Variants in DLGAP2 observed in about 807,000 individuals in gnomAD.
The protein encoded by DLGAP2 is DLG associated protein 2, also known as disks large-associated protein 2.
A neutral mutation model predicts 100.3 loss-of-function variants in DLGAP2; 26 were observed. That is an observed-to-expected ratio of 0.26 (90% CI 0.19 to 0.36). The LOEUF (loss-of-function observed/expected upper bound fraction) is 0.36. Among genes scored for constraint, DLGAP2 ranks in the 10% least tolerant of loss-of-function variants. The pLI is 1.00. For missense variants in DLGAP2, 1,858 were observed against 1,453.2 expected, an observed-to-expected ratio of 1.28 and a Z score of -4.53; for synonymous variants, 886 against 630.1, an observed-to-expected ratio of 1.41 and a Z score of -6.08.
chr8:756,645 C>A (rs762189942), intron 1 of DLGAP2, among the ~76,000 whole-genome samples: 1 of 152,048 alleles, frequency 6.6e-6, no homozygotes, highest in Non-Finnish European at 1.5e-5. Flanking sequence ...GCTGAAAGAT[C>A]GTCTGGTCAG....
intron 3 of DLGAP2, among the ~76,000 whole-genome samples, chr8:1,377,326 C>G (rs181030539): frequency 5.3e-5 from 8 of 152,138 alleles, no homozygotes; most frequent in Non-Finnish European, 8.8e-5. Context: ...GGGCGAATCA[C>G]GAAGTCAGGA....
chr8:1,257,758 C>T (rs747258722), intron 2 of DLGAP2, among the ~76,000 whole-genome samples: 5 of 151,574 alleles, frequency 3.3e-5, no homozygotes, highest in Non-Finnish European at 5.9e-5. Flanking sequence ...GTGGAAGAGC[C>T]GGTGTCCTCC....
chr8:1,631,270 T>A (rs533876551), intron 7 of DLGAP2, among the ~76,000 whole-genome samples: 82 of 152,028 alleles, frequency 5.4e-4, no homozygotes, highest in Non-Finnish European at 9.6e-4. Context: ...GTTAATGGTG[T>A]CTCTTCTTTA....
intron 2 of DLGAP2, among the ~76,000 whole-genome samples, chr8:1,221,478 G>A (rs534199265): frequency 1.3e-5 from 2 of 152,172 alleles, no homozygotes; most frequent in African/African-American, 4.8e-5. Flanking sequence ...CTGTTAGCCT[G>A]ATGGGGTTCC....
At chr8:1,334,987 G>A (rs557824882) in intron 3 of DLGAP2, among the ~76,000 whole-genome samples, 27 of 152,276 alleles carry the variant, frequency 1.8e-4, no homozygotes, top group Non-Finnish European at 3.8e-4. Flanking sequence ...CTTCCAGCAG[G>A]CCTTAAAAAC....
chr8:1,493,820 G>T (rs534857878), intron 3 of DLGAP2, among the ~76,000 whole-genome samples: 1 of 152,196 alleles, frequency 6.6e-6, no homozygotes, highest in Non-Finnish European at 1.5e-5. Flanking sequence ...GGGTGGACGC[G>T]GCACGACCCT....
chr8:1,669,764 C>G lies in DLGAP2; in HGVS notation c.2182C>G (p.Gln728Glu). 1.3e-6 allele frequency: 1 copy of G among 780,944 alleles called. No homozygotes were observed. The highest frequency in any genetic ancestry group is 1.3e-5 in the South Asian group (1 of 74,628). 48.4% of individuals were successfully genotyped at this position (780,944 alleles called of 1,614,324 possible). A position where few individuals can be genotyped will look rare whatever the true frequency, so the allele number is the denominator to read the frequency against. ...GIQDSEFPEH[Q>E]PYPRSDVETA... ...TTAGGATTCTGAATTCCCAGAGCAT[C>G]AGCCATACCCAAGGTCAGATGTAAG... The change falls in exon 10 of 15, where the codon CAG (glutamine) becomes GAG (glutamate). Residue 728 changes from glutamine (Q) to glutamate (E), a missense_variant. Transcript: ENST00000637795.
intron 2 of DLGAP2, among the ~76,000 whole-genome samples, chr8:1,007,641 G>GGC (rs1554464777): frequency 1.5e-4 from 22 of 148,292 alleles, no homozygotes; most frequent in Admixed American, 4.7e-4. Context: ...TTTTTGGGGG[G>GGC]GGGATCTTCT....
intron 2 of DLGAP2, among the ~76,000 whole-genome samples, chr8:1,146,114 C>A (rs1241761760): frequency 6.6e-6 from 1 of 152,206 alleles, no homozygotes; most frequent in Non-Finnish European, 1.5e-5. Flanking sequence ...CACTGCCAGG[C>A]CAGGAGGGCG....
At chr8:739,627 T>A (rs948387697) in intron 1 of DLGAP2, 21 of 152,336 alleles carry the variant, frequency 1.4e-4, no homozygotes, top group African/African-American at 4.8e-4. Flanking sequence ...CAGGTCAAGT[T>A]GTTACTCTGG....
In DLGAP2 at chr8:1,067,905, G is replaced by T. The variant is rs563371324; in HGVS notation, c.73+159939G>T. ...GATGACGACACACCCCCCCATTACA[G>T]CAGCCCACAGAGGAGTTTCTCTGTC... On this transcript the variant is annotated intron_variant, in intron 2 of 14. Transcript: ENST00000637795. Among the ~76,000 whole-genome samples, 120 of 152,072 alleles carry T rather than the reference G, an allele frequency of 7.9e-4. 1 individual carries two copies. The highest frequency in any genetic ancestry group is 2.8e-3 in the African/African-American group (118 of 41,452).
At chr8:1,428,646 T>C (rs1797306360) in intron 3 of DLGAP2, among the ~76,000 whole-genome samples, 1 of 152,238 alleles carries the variant, frequency 6.6e-6, no homozygotes, top group Non-Finnish European at 1.5e-5. Context: ...CTAATAAATA[T>C]GCATGTGCCC....
At position 1,116,433 on chromosome 8, in the gene DLGAP2, G is replaced by A. The variant is rs1027643380; in HGVS notation, c.74-142418G>A. Among the ~76,000 whole-genome samples the A allele has an allele frequency of 2.6e-5, 4 of 152,176 alleles. No individual in the cohort carries two copies. The East Asian group carries it at 7.7e-4, about 29-fold the overall frequency. On this transcript the variant is annotated intron_variant, in intron 2 of 14. Transcript: ENST00000637795. ...TAGATAACCTTACAAGAGGCATTGA[G>A]GGTTTTCTTATTTCTTCAGTTTCTT...
chr8:1,173,009 G>C (rs1392614639), intron 2 of DLGAP2, among the ~76,000 whole-genome samples: 1 of 152,082 alleles, frequency 6.6e-6, no homozygotes, highest in African/African-American at 2.4e-5. Flanking sequence ...CATCTTTGTG[G>C]TTTTATCTAC....
At position 1,549,659 on chromosome 8, in the gene DLGAP2, C is replaced by T; in HGVS notation, c.1206C>T (p.Ala402=). ...TGCTGCACCAGGACGCCAAGCCCGCCCTGAGGCCGTGCCACTACCTCCAGG... is the reference window on the plus strand; with the variant it reads ...TGCTGCACCAGGACGCCAAGCCCGCTCTGAGGCCGTGCCACTACCTCCAGG... ...KPLLHQDAKP[A]LRPCHYLQVP... is the part of the protein sequence containing the mutation. The change falls in exon 5 of 15, where the codon GCC becomes GCT. Residue 402 remains alanine, a synonymous_variant. Transcript: ENST00000637795. 2 of 1,562,130 alleles carry T rather than the reference C, an allele frequency of 1.3e-6. No homozygotes were observed. Among genetic ancestry groups the T allele is most frequent in the East Asian group, 2.4e-5 (1 of 41,662 alleles).
chr8:1,103,705 G>A (rs112901547), intron 2 of DLGAP2, among the ~76,000 whole-genome samples: 1 of 13,972 alleles, frequency 7.2e-5, no homozygotes, highest in Admixed American at 7.6e-4. Context: ...GATGACTGGC[G>A]GGGCCTTGGT....
At chr8:1,513,795 C>A (rs568297135) in intron 4 of DLGAP2, among the ~76,000 whole-genome samples, 1 of 152,208 alleles carries the variant, frequency 6.6e-6, no homozygotes, top group Non-Finnish European at 1.5e-5. Context: ...CCCCCAGTTT[C>A]ACCCATGGTC....
intron 2 of DLGAP2, among the ~76,000 whole-genome samples, chr8:1,245,629 A>G (rs1314697100): frequency 6.6e-6 from 1 of 152,144 alleles, no homozygotes; most frequent in East Asian, 1.9e-4. Context: ...TTATTTTTGG[A>G]GTGACGAAAT....
At chr8:1,613,111 T>C (rs1797033013) in intron 6 of DLGAP2, among the ~76,000 whole-genome samples, 1 of 142,610 alleles carries the variant, frequency 7.0e-6, no homozygotes, top group Admixed American at 7.1e-5. Context: ...ATTGCGGCAT[T>C]ATTCACAATA....
Sources: allele counts gnomAD v4.1 joint callset (sites outside exome capture counted in the v4.1 genomes callset), GRCh38; gene constraint gnomAD v4.1.1; transcripts MANE v1.5; gene names NCBI Gene and HGNC (gene_info 2026-07-23, HGNC 2026-07-21).